CMSS1: variants seen among roughly 807,000 people sequenced by gnomAD.
CMSS1 encodes protein CMSS1.
In CMSS1, 33 loss-of-function variants were observed where a neutral mutation model predicts 43.5. That is an observed-to-expected ratio of 0.76 (90% confidence interval 0.57 to 1.01). The LOEUF (loss-of-function observed/expected upper bound fraction) is 1.01, where lower values mean the gene tolerates loss of function less well. CMSS1 is among the 50% of genes least tolerant of loss of function. The pLI, the probability that CMSS1 is intolerant of heterozygous loss-of-function variation, is 0.00. For synonymous variants in CMSS1, 115 were observed against 117.2 expected, an observed-to-expected ratio of 0.98 and a Z score of 0.12; for missense variants, 313 against 326.4, an observed-to-expected ratio of 0.96 and a Z score of 0.32.
Position 99,850,344 on chromosome 3 carries a change from C to T in CMSS1, c.64+32301C>T, listed in dbSNP as rs9828782. 1,433 of 1,612,976 alleles carry T rather than the reference C, an allele frequency of 8.9e-4. 10 individuals carry two copies. The African/African-American group carries it at 0.017, about 19-fold the overall frequency. On this transcript the variant is annotated intron_variant, in intron 1 of 9. Transcript: ENST00000421999. ...TCCTTTCTTTTTCTAAATTGCATTT[C>T]AGAGAGTAGCATTCTTGTTTGCTTT...
intron 1 of CMSS1, among the ~76,000 whole-genome samples, chr3:100,028,952 A>G (rs1259715417): frequency 6.6e-6 from 1 of 152,146 alleles, no homozygotes; most frequent in Non-Finnish European, 1.5e-5. Context: ...TATCCTGTTG[A>G]TGTTTTACAA....
chr3:99,855,764 GA>G (rs1943932402), intron 1 of CMSS1, among the ~76,000 whole-genome samples: 1 of 152,120 alleles, frequency 6.6e-6, no homozygotes, highest in African/African-American at 2.4e-5. Context: ...TCTGCCAAAA[GA>G]ATGTTGAAAA....
chr3:100,123,575 TCCAAATACTGC>T (rs1198107473), intron 1 of CMSS1, among the ~76,000 whole-genome samples: 3 of 152,020 alleles, frequency 2.0e-5, no homozygotes, highest in African/African-American at 7.2e-5. Flanking sequence ...TTGCTGGGGG[TCCAAATACTGC>T]CTGAACAGGG....
At chr3:99,862,208 T>G (rs1429569751) in intron 1 of CMSS1, among the ~76,000 whole-genome samples, 10 of 152,186 alleles carry the variant, frequency 6.6e-5, no homozygotes, top group Admixed American at 6.5e-4. Context: ...GTTTTAATTT[T>G]CATTTAAAAA....
intron 1 of CMSS1, among the ~76,000 whole-genome samples, chr3:99,992,187 G>C (rs1366710831): frequency 1.3e-5 from 2 of 151,924 alleles, no homozygotes; most frequent in African/African-American, 4.8e-5. Flanking sequence ...ATATATCCCA[G>C]TAGTGAAATT....
At chr3:100,067,370 ACTAAGCAC>A (rs1295182217) in intron 1 of CMSS1, among the ~76,000 whole-genome samples, 8 of 152,346 alleles carry the variant, frequency 5.3e-5, no homozygotes, top group Admixed American at 3.3e-4. Flanking sequence ...AAAGCAGGTA[ACTAAGCAC>A]CCTGGTGAAG....
Position 100,044,237 on chromosome 3 carries a change from G to A in CMSS1, c.65-102736G>A, listed in dbSNP as rs145315012. On this transcript the variant is annotated intron_variant, in intron 1 of 9. Coordinates refer to ENST00000421999, the MANE Select transcript of CMSS1 (RefSeq NM_032359.4). ...TCTTCTATGTGCCAGGCATTGTGAT[G>A]GGCACAAGCGATGCAGTTGTTTACA... Among the ~76,000 whole-genome samples the A allele has an allele frequency of 1.5e-3, 235 of 152,292 alleles. 1 individual carries two copies. Among genetic ancestry groups the A allele is most frequent in the African/African-American group, 5.5e-3 (227 of 41,550 alleles).
chr3:100,125,654 T>C (rs1263607635), intron 1 of CMSS1, among the ~76,000 whole-genome samples: 2 of 152,240 alleles, frequency 1.3e-5, no homozygotes, highest in Non-Finnish European at 2.9e-5. Context: ...TTTAGCTAGA[T>C]TGCATTTTCT....
intron 1 of CMSS1, among the ~76,000 whole-genome samples, chr3:99,878,443 A>G (rs1177517293): frequency 1.3e-5 from 2 of 152,386 alleles, no homozygotes. Context: ...CAATGTTTAC[A>G]TATATAGCCT....
chr3:99,930,645 T>G (rs527589826), intron 1 of CMSS1: 2 of 994,090 alleles, frequency 2.0e-6, no homozygotes, highest in East Asian at 4.9e-5. Context: ...TATATACTTA[T>G]GCTTTGCTTT....
chr3:99,957,043 G>C lies in CMSS1; in HGVS notation c.64+139000G>C, dbSNP rs567676910. On this transcript the variant is annotated intron_variant, in intron 1 of 9. Transcript: ENST00000421999. ...CCCAGCTGCCCAAGCTAGAAATCTT[G>C]ATGCTATTTTGTACCTCCTCTTAAC... Among the ~76,000 whole-genome samples the C allele has an allele frequency of 2.0e-5, 3 of 152,266 alleles. No homozygotes were observed. In the South Asian group the frequency reaches 6.2e-4, roughly 32 times the overall value.
chr3:100,053,753 T>A (rs752403086), intron 1 of CMSS1, among the ~76,000 whole-genome samples: 61 of 152,248 alleles, frequency 4.0e-4, no homozygotes, highest in Non-Finnish European at 6.6e-4. Flanking sequence ...GTTATCTTTC[T>A]TACCTGGAAA....
intron 1 of CMSS1, among the ~76,000 whole-genome samples, chr3:100,050,441 A>T (rs2065350396): frequency 6.6e-6 from 1 of 152,226 alleles, no homozygotes. Flanking sequence ...TAGAATGCTT[A>T]TCTGATTATG....
chr3:100,157,826 G>A (rs2066989174), intron 2 of CMSS1, among the ~76,000 whole-genome samples: 2 of 152,142 alleles, frequency 1.3e-5, no homozygotes, highest in Admixed American at 6.6e-5. Flanking sequence ...ACCTAGTGGG[G>A]GACAGGAGTA....
At chr3:100,062,040 C>G (rs188812293) in intron 1 of CMSS1, among the ~76,000 whole-genome samples, 48 of 149,086 alleles carry the variant, frequency 3.2e-4, no homozygotes, top group African/African-American at 1.2e-3. Context: ...TATTACTTCC[C>G]TAGTAATACT....
chr3:100,114,875 C>T, intron 1 of CMSS1: 1 of 1,113,140 alleles, frequency 9.0e-7, no homozygotes. Context: ...GCACTGTAAA[C>T]ATTCGCTATT....
intron 1 of CMSS1, chr3:100,025,393 T>A (rs1038326218): frequency 7.2e-5 from 11 of 152,332 alleles, no homozygotes; most frequent in African/African-American, 2.6e-4. Context: ...AGATTTTTTT[T>A]AAATCACTTT....
At chr3:99,987,237 A>G (rs909044765) in intron 1 of CMSS1, among the ~76,000 whole-genome samples, 28 of 125,108 alleles carry the variant, frequency 2.2e-4, no homozygotes, top group African/African-American at 6.8e-4. Context: ...TCTTAAGGGG[A>G]AAAAAAAAAG....
chr3:99,930,790 G>C, intron 1 of CMSS1: 1 of 1,613,170 alleles, frequency 6.2e-7, no homozygotes, highest in East Asian at 2.2e-5. Context: ...CCTCCAGAAT[G>C]CTGAGGAGAA....
Sources: gnomAD v4.1 joint callset for allele counts (sites outside exome capture counted in the v4.1 genomes callset) on GRCh38, gnomAD v4.1.1 for gene constraint, MANE v1.5 for transcripts, NCBI Gene and HGNC (gene_info 2026-07-23, HGNC 2026-07-21) for gene names.